Variants in PIK3C2B observed in about 807,000 individuals in gnomAD.
PIK3C2B encodes phosphatidylinositol-4-phosphate 3-kinase catalytic subunit type 2 beta.
PIK3C2B carries 83 observed loss-of-function variants against 184.3 expected under a neutral mutation model. The observed-to-expected ratio is 0.45, with a 90% CI of 0.38 to 0.54. The LOEUF is 0.54. Ranked by LOEUF, PIK3C2B falls within the 20% of genes least tolerant of loss-of-function variation. The pLI is 0.00. For synonymous variants in PIK3C2B, 779 were observed against 837.6 expected (o/e 0.93, Z 1.21); for missense variants, 1,736 against 2,113.5 (o/e 0.82, Z 3.50).
rs1478444184 is a variant in PIK3C2B, at chr1:204,468,919, T to G, written c.884A>C (p.Asn295Thr). ...PPRTYASRYG[N>T]RKNATPGKNR... ...CTTGCCAGGCGTCGCATTCTTTCGG[T>G]TGCCATAGCGGGAGGCATAGGTGCG... Residue 295 changes from asparagine (N) to threonine (T), a missense_variant, in exon 2 of 33, where the codon AAC (asparagine) becomes ACC (threonine). Coordinates refer to ENST00000684373, the MANE Select transcript of PIK3C2B (RefSeq NM_001377334.1). The G allele has an allele frequency of 2.5e-6, 4 of 1,605,244 alleles. No individual in the cohort carries two copies. In the East Asian group the frequency reaches 8.9e-5, roughly 36 times the overall value.
At chr1:204,466,287 TC>T (rs965380291) in intron 2 of PIK3C2B, among the ~76,000 whole-genome samples, 1 of 152,186 alleles carries the variant, frequency 6.6e-6, no homozygotes, top group Non-Finnish European at 1.5e-5. Context: ...AACAGCTGTT[TC>T]TGGCGGGAGT....
intron 11 of PIK3C2B, 67 bp from the exon 12 acceptor site, chr1:204,454,858 C>T: frequency 2.6e-6 from 4 of 1,529,610 alleles, no homozygotes; most frequent in Non-Finnish European, 3.5e-6. Context: ...CCTATGCGTC[C>T]CTCTAAGGCC....
At chr1:204,477,118 C>T (rs1451362830) in intron 1 of PIK3C2B, among the ~76,000 whole-genome samples, 1 of 152,184 alleles carries the variant, frequency 6.6e-6, no homozygotes, top group African/African-American at 2.4e-5. Context: ...CATGAGCACA[C>T]CCACAAAACT....
intron 4 of PIK3C2B, 101 bp from the exon 5 acceptor site, chr1:204,464,233 G>A: frequency 1.5e-6 from 2 of 1,374,482 alleles, no homozygotes; most frequent in Non-Finnish European, 2.0e-6. Flanking sequence ...GTATTCTCCA[G>A]CACCATCACC....
At chr1:204,459,992 G>A in intron 7 of PIK3C2B, 51 bp from the exon 8 acceptor site, 1 of 1,510,100 alleles carries the variant, frequency 6.6e-7, no homozygotes, top group South Asian at 1.1e-5. Context: ...GAAAGACCCA[G>A]TGCCCTGGGA....
intron 29 of PIK3C2B, among the ~76,000 whole-genome samples, 183 bp downstream of exon 29, chr1:204,429,738 C>A (rs1674938103): frequency 1.3e-5 from 2 of 152,170 alleles, no homozygotes; most frequent in African/African-American, 2.4e-5. Flanking sequence ...TGTGTATAAC[C>A]CTGTGAGGCT....
chr1:204,494,596 T>A lies in PIK3C2B; in HGVS notation c.-325A>T, dbSNP rs1402416309. 6.6e-6 allele frequency: 1 copy of A among 151,796 alleles called. No individual in the cohort carries two copies. The highest frequency in any genetic ancestry group is 2.4e-5 in the African/African-American group (1 of 41,188). The allele number at this position is 151,796 out of a possible 1,614,324, so 9.4% of individuals were successfully genotyped here. ...AGCAAAGGGCGCAAGGACCAGCTTG[T>A]GGGGGTGGGGAGGGGTGCTCTCCGC... is the stretch of plus-strand genomic sequence containing the variant. On this transcript the variant is annotated 5_prime_UTR_variant, in exon 1 of 33. Coordinates refer to ENST00000684373, the MANE Select transcript of PIK3C2B (RefSeq NM_001377334.1).
intron 28 of PIK3C2B, 66 bp downstream of exon 28, chr1:204,431,603 C>G (rs1675060675): frequency 6.3e-7 from 1 of 1,597,344 alleles, no homozygotes; most frequent in East Asian, 2.2e-5. Flanking sequence ...CCCTGACCAC[C>G]TCCCATCCCG....
intron 1 of PIK3C2B, among the ~76,000 whole-genome samples, chr1:204,483,389 CAAAA>C (rs10578144): frequency 4.7e-4 from 70 of 147,678 alleles, no homozygotes; most frequent in South Asian, 2.6e-3. Context: ...AACCCTGACT[CAAAA>C]AAAAAAAAAA....
At chr1:204,430,691 C>T (rs1675005220) in intron 28 of PIK3C2B, among the ~76,000 whole-genome samples, 1 of 151,248 alleles carries the variant, frequency 6.6e-6, no homozygotes, top group South Asian at 2.1e-4. Context: ...CTGAGTCTCG[C>T]TTTGCCGCCC....
chr1:204,475,183 A>C (rs1220177570), intron 1 of PIK3C2B, among the ~76,000 whole-genome samples: 2 of 152,100 alleles, frequency 1.3e-5, no homozygotes, highest in Non-Finnish European at 2.9e-5. Flanking sequence ...CTTCCTGCCT[A>C]AGATATTTCA....
chr1:204,479,130 T>C (rs1209693578), intron 1 of PIK3C2B, among the ~76,000 whole-genome samples: 1 of 152,190 alleles, frequency 6.6e-6, no homozygotes, highest in East Asian at 1.9e-4. Flanking sequence ...AAGCTGGCAA[T>C]CAACTGAATG....
chr1:204,444,487 A>C, intron 16 of PIK3C2B, 63 bp from the exon 17 acceptor site: 1 of 1,212,626 alleles, frequency 8.2e-7, no homozygotes, highest in Non-Finnish European at 1.2e-6. Context: ...CTGTGAGCCC[A>C]GCACCCTCAC....
In PIK3C2B at chr1:204,494,646, G is replaced by C. The variant is rs1402845100; in HGVS notation, c.-375C>G. ...CCGAGAGCGTGCGCGAGCTCGCAGA[G>C]TCAGGCCACCCCGGGTGAGACAATA... On this transcript the variant is annotated 5_prime_UTR_variant, in exon 1 of 33. Coordinates refer to ENST00000684373, the MANE Select transcript of PIK3C2B (RefSeq NM_001377334.1). The C allele has an allele frequency of 3.3e-5, 5 of 152,602 alleles. No homozygotes were observed. Among genetic ancestry groups the C allele is most frequent in the African/African-American group, 1.2e-4 (5 of 41,594 alleles). The allele number at this position is 152,602 out of a possible 1,614,324, so 9.5% of individuals were successfully genotyped here.
At chr1:204,444,280 G>A in intron 17 of PIK3C2B, 51 bp downstream of exon 17, 3 of 1,509,836 alleles carry the variant, frequency 2.0e-6, no homozygotes, top group East Asian at 4.5e-5. Flanking sequence ...GACTCACTTG[G>A]GATACTGGGG....
At chr1:204,442,393 G>A in intron 20 of PIK3C2B, 133 bp downstream of exon 20, 1 of 628,378 alleles carries the variant, frequency 1.6e-6, no homozygotes, top group South Asian at 1.9e-5. Flanking sequence ...GCTAGGCCAA[G>A]ACCACATGGT....
chr1:204,469,017 C>A lies in PIK3C2B; in HGVS notation c.786G>T (p.Pro262=). The change falls in exon 2 of 33, where the codon CCG becomes CCT. Residue 262 remains proline (P), a synonymous_variant. Transcript: ENST00000684373. Reference sequence around the variant, plus strand: ...CAGAGGTGTCTTTGCTGAAGTCCAGCGGCCCTCGGCCCTCCTTCCAGCCCC... The same window carrying A: ...CAGAGGTGTCTTTGCTGAAGTCCAGAGGCCCTCGGCCCTCCTTCCAGCCCC... ...ATRGWKEGRG[P]LDFSKDTSGK... 1 of 1,614,180 alleles carries A rather than the reference C, an allele frequency of 6.2e-7. No homozygotes were observed. Among genetic ancestry groups the A allele is most frequent in the Non-Finnish European group, 8.5e-7 (1 of 1,180,012 alleles).
intron 1 of PIK3C2B, among the ~76,000 whole-genome samples, chr1:204,485,725 T>C (rs1297338350): frequency 2.0e-5 from 3 of 151,982 alleles, no homozygotes; most frequent in Admixed American, 1.3e-4. Flanking sequence ...ACAGACGTGG[T>C]CGCCACCACA....
intron 5 of PIK3C2B, among the ~76,000 whole-genome samples, chr1:204,461,648 T>C (rs1306344032): frequency 6.6e-6 from 1 of 152,046 alleles, no homozygotes; most frequent in East Asian, 1.9e-4. Context: ...GTTCTCCACA[T>C]CCTGAGAGGA....
Sources: allele counts gnomAD v4.1 joint callset (sites outside exome capture counted in the v4.1 genomes callset), GRCh38; gene constraint gnomAD v4.1.1; transcripts MANE v1.5; gene names NCBI Gene and HGNC (gene_info 2026-07-23, HGNC 2026-07-21).